PLCB4: variants seen among roughly 807,000 people sequenced by gnomAD.
PLCB4 encodes the protein phospholipase C beta 4, also known as 1-phosphatidylinositol 4,5-bisphosphate phosphodiesterase beta-4.
PLCB4 carries 77 observed loss-of-function variants against 178.8 expected under a neutral mutation model. That is an observed-to-expected ratio of 0.43 (90% CI 0.36 to 0.52). The LOEUF is 0.52. Among genes scored for constraint, PLCB4 ranks in the 20% least tolerant of loss-of-function variants. PLCB4 has a pLI of 0.00. For missense variants in PLCB4, 1,024 were observed against 1,453.4 expected (o/e 0.70, Z 4.80); for synonymous variants, 496 against 490.8 (o/e 1.01, Z -0.14).
intron 1 of PLCB4, among the ~76,000 whole-genome samples, chr20:9,090,383 T>C (rs6056398): frequency 3.4e-4 from 51 of 152,112 alleles, no homozygotes; most frequent in African/African-American, 1.2e-3. Flanking sequence ...TTTTCAAATG[T>C]ATGTGTATGG....
At chr20:9,163,025 C>G (rs1184423277) in intron 2 of PLCB4, among the ~76,000 whole-genome samples, 2 of 151,996 alleles carry the variant, frequency 1.3e-5, no homozygotes, top group Non-Finnish European at 1.5e-5. Flanking sequence ...ATCACTGAAC[C>G]TGGGGATGGG....
chr20:9,472,982 C>A (rs192920757), intron 37 of PLCB4, 135 bp downstream of exon 37: 54 of 573,220 alleles, frequency 9.4e-5, no homozygotes, highest in Middle Eastern at 4.6e-4. Flanking sequence ...TCTCTGCTCC[C>A]TGAAAGCTAA....
chr20:9,453,894 A>G (rs566007169), intron 33 of PLCB4, among the ~76,000 whole-genome samples: 10 of 152,298 alleles, frequency 6.6e-5, no homozygotes, highest in African/African-American at 2.4e-4. Context: ...AACATCTCAC[A>G]TAATCATAGT....
intron 2 of PLCB4, among the ~76,000 whole-genome samples, chr20:9,177,510 C>G (rs1265580185): frequency 6.6e-6 from 1 of 152,140 alleles, no homozygotes; most frequent in African/African-American, 2.4e-5. Flanking sequence ...AAAGTATAAT[C>G]AAGGGAGGAA....
At chr20:9,137,226 C>G (rs2092401581) in intron 2 of PLCB4, among the ~76,000 whole-genome samples, 4 of 152,032 alleles carry the variant, frequency 2.6e-5, no homozygotes, top group South Asian at 4.2e-4. Context: ...CCCTTGTTGC[C>G]CCGTTTGAGT....
At position 9,438,365 on chromosome 20, in the gene PLCB4, TAAAAAAAAAA is replaced by T. The variant is rs778937148; in HGVS notation, c.2764+1222_2764+1231del. 1.6e-3 allele frequency among the ~76,000 whole-genome samples: 193 copies of T among 119,998 alleles called. 3 individuals carry two copies. The East Asian group carries it at 0.039, about 24-fold the overall frequency. 78.7% of individuals were successfully genotyped at this position (119,998 alleles called of 152,430 possible). ...TGGGTGAAAGAGGGAGACTATATCT[TAAAAAAAAAA>T]AAAAAAAAGAAAGAAAGAAATAAGT... is the stretch of plus-strand genomic sequence containing the variant. On this transcript the variant is annotated intron_variant, in intron 30 of 39. Transcript: ENST00000378473.
At chr20:9,315,151 A>T (rs1299422545) in intron 4 of PLCB4, among the ~76,000 whole-genome samples, 1 of 152,178 alleles carries the variant, frequency 6.6e-6, no homozygotes, top group African/African-American at 2.4e-5. Context: ...CTGAATTATA[A>T]TTAGGGGTAA....
At chr20:9,235,478 CTTTTTCT>C (rs2093983311) in intron 3 of PLCB4, among the ~76,000 whole-genome samples, 1 of 152,162 alleles carries the variant, frequency 6.6e-6, no homozygotes, top group Non-Finnish European at 1.5e-5. Flanking sequence ...TAAACTGACT[CTTTTTCT>C]GTAGTGGACA....
intron 4 of PLCB4, among the ~76,000 whole-genome samples, chr20:9,315,801 T>A (rs1369841610): frequency 1.3e-5 from 2 of 151,842 alleles, no homozygotes; most frequent in Admixed American, 1.3e-4. Flanking sequence ...GGCATGGTGG[T>A]GCGCGCCTGT....
At chr20:9,206,563 A>G in intron 2 of PLCB4, among the ~76,000 whole-genome samples, 1 of 152,202 alleles carries the variant, frequency 6.6e-6, no homozygotes, top group East Asian at 1.9e-4. Context: ...AGGAGGGAAG[A>G]AACAGGACAC....
intron 1 of PLCB4, among the ~76,000 whole-genome samples, chr20:9,091,489 G>A (rs186238050): frequency 3.0e-4 from 46 of 151,914 alleles, no homozygotes; most frequent in African/African-American, 1.1e-3. Context: ...AAGCAGCATT[G>A]TACAGCAGAA....
intron 2 of PLCB4, among the ~76,000 whole-genome samples, chr20:9,179,481 T>A (rs1381014595): frequency 3.3e-5 from 5 of 152,168 alleles, no homozygotes; most frequent in African/African-American, 9.6e-5. Context: ...CTTGTTCCCA[T>A]CTTGATTTTA....
intron 3 of PLCB4, among the ~76,000 whole-genome samples, chr20:9,258,438 C>T (rs574666603): frequency 3.3e-5 from 5 of 152,018 alleles, no homozygotes; most frequent in African/African-American, 1.2e-4. Context: ...ATTTCTAGGC[C>T]GGGCATGGTG....
Position 9,342,320 on chromosome 20 carries a change from A to G in PLCB4, c.369+3283A>G, listed in dbSNP as rs575463131. Among the ~76,000 whole-genome samples the G allele has an allele frequency of 2.6e-5, 4 of 152,316 alleles. No individual in the cohort carries two copies. In the South Asian group the frequency reaches 8.3e-4, roughly 32 times the overall value. On this transcript the variant is annotated intron_variant, in intron 7 of 39. Coordinates refer to ENST00000378473, the MANE Select transcript of PLCB4 (RefSeq NM_001377142.1). Reference sequence around the variant, plus strand: ...ATAAATCAAATTGGGCCAATGAGAAATGTAGAGATTTCCCAGGGTACATGA... The same window carrying G: ...ATAAATCAAATTGGGCCAATGAGAAGTGTAGAGATTTCCCAGGGTACATGA...
intron 19 of PLCB4, among the ~76,000 whole-genome samples, chr20:9,396,330 G>A: frequency 6.6e-6 from 1 of 152,150 alleles, no homozygotes; most frequent in Non-Finnish European, 1.5e-5. Flanking sequence ...GCAAATGATT[G>A]GTTTGTCTCC....
chr20:9,424,688 C>A (rs140774631), intron 28 of PLCB4, among the ~76,000 whole-genome samples: 29 of 152,256 alleles, frequency 1.9e-4, no homozygotes, highest in African/African-American at 6.7e-4. Flanking sequence ...ATTTCCTCCC[C>A]TGCAAAGTGA....
At chr20:9,163,549 TC>T (rs947017262) in intron 2 of PLCB4, among the ~76,000 whole-genome samples, 4 of 151,952 alleles carry the variant, frequency 2.6e-5, no homozygotes, top group Non-Finnish European at 4.4e-5. Flanking sequence ...GTTTTTTTTT[TC>T]CTTTCTATAA....
chr20:9,202,149 A>T (rs1189502185), intron 2 of PLCB4, among the ~76,000 whole-genome samples: 3 of 152,216 alleles, frequency 2.0e-5, no homozygotes, highest in African/African-American at 7.2e-5. Flanking sequence ...GGAAGGCTAC[A>T]TACTATATGA....
intron 2 of PLCB4, among the ~76,000 whole-genome samples, chr20:9,211,737 A>G (rs540307215): frequency 6.6e-6 from 1 of 152,354 alleles, no homozygotes; most frequent in Non-Finnish European, 1.5e-5. Context: ...AATAGAAGTT[A>G]TGTACCCATT....
Sources: allele counts gnomAD v4.1 joint callset (sites outside exome capture counted in the v4.1 genomes callset), GRCh38; gene constraint gnomAD v4.1.1; transcripts MANE v1.5; gene names NCBI Gene and HGNC (gene_info 2026-07-23, HGNC 2026-07-21).